Variants in DDC observed in about 807,000 individuals in gnomAD.
DDC encodes the protein dopa decarboxylase.
In DDC, 43 loss-of-function variants were observed where a neutral mutation model predicts 60.0. That is an observed-to-expected ratio of 0.72 (90% CI 0.56 to 0.92). The LOEUF is 0.92. DDC is among the 40% of genes least tolerant of loss of function. The probability of loss-of-function intolerance (pLI) is 0.00; values close to 1 mark genes in which losing one functional copy is unlikely to be tolerated. For missense variants in DDC, 573 were observed against 620.2 expected (o/e 0.92, Z 0.81); for synonymous variants, 232 against 234.6 (o/e 0.99, Z 0.10).
Position 50,506,885 on chromosome 7 carries a change from G to T in DDC, c.715-2826C>A, listed in dbSNP as rs544968325. 9.8e-5 allele frequency among the ~76,000 whole-genome samples: 15 copies of T among 152,320 alleles called. No individual in the cohort carries two copies. In the East Asian group the frequency reaches 2.9e-3, roughly 29 times the overall value. On this transcript the variant is annotated intron_variant, in intron 6 of 14. Transcript: ENST00000444124. ...TCTGGATGTCCCCTCCTCATGTCAAGCATCAATAATTCTCCGCATTTGTTT... is the reference window on the plus strand; with the variant it reads ...TCTGGATGTCCCCTCCTCATGTCAATCATCAATAATTCTCCGCATTTGTTT...
At chr7:50,563,598 TTTA>T (rs1298524629) in intron 1 of DDC, among the ~76,000 whole-genome samples, 4 of 152,172 alleles carry the variant, frequency 2.6e-5, no homozygotes, top group South Asian at 4.2e-4. Context: ...ATAATTTTAT[TTTA>T]TTATTATTAT....
At chr7:50,543,583 C>G (rs868379520) in intron 2 of DDC, 24 of 434,874 alleles carry the variant, frequency 5.5e-5, no homozygotes, top group Non-Finnish European at 7.3e-5. Context: ...AGGACACGCT[C>G]TATGTACCGA....
chr7:50,488,366 C>T (rs1253727679), intron 9 of DDC, among the ~76,000 whole-genome samples: 2 of 151,482 alleles, frequency 1.3e-5, no homozygotes, highest in Non-Finnish European at 2.9e-5. Context: ...ACTTAAAGGT[C>T]GTTTCTAAAA....
intron 7 of DDC, among the ~76,000 whole-genome samples, chr7:50,500,755 G>A (rs1307006705): frequency 1.3e-5 from 2 of 152,206 alleles, no homozygotes; most frequent in African/African-American, 2.4e-5. Flanking sequence ...ATCCAACTGA[G>A]GGCTTTCATC....
intron 1 of DDC, among the ~76,000 whole-genome samples, chr7:50,547,366 G>C (rs67275148): frequency 0.18 from 27,591 of 151,754 alleles, 2,857 homozygotes; most frequent in Admixed American, 0.3. Context: ...CATGGTGGCA[G>C]ACACCTGGCT....
chr7:50,512,045 T>C (rs1015287333), intron 6 of DDC, among the ~76,000 whole-genome samples: 3 of 151,716 alleles, frequency 2.0e-5, no homozygotes, highest in Non-Finnish European at 2.9e-5. Context: ...CAAAAGCCTA[T>C]TGAAATAAAA....
chr7:50,515,732 G>C (rs993015087), intron 6 of DDC, among the ~76,000 whole-genome samples: 1 of 152,114 alleles, frequency 6.6e-6, no homozygotes, highest in Non-Finnish European at 1.5e-5. Context: ...GGTGGAAAAA[G>C]GCATTTCATG....
At chr7:50,537,272 T>C (rs2153548284) in intron 4 of DDC, among the ~76,000 whole-genome samples, 1 of 152,254 alleles carries the variant, frequency 6.6e-6, no homozygotes, top group East Asian at 1.9e-4. Flanking sequence ...AGACAAATAG[T>C]ATTTATAGCC....
chr7:50,467,038 C>T lies in DDC; in HGVS notation c.1242+176G>A, dbSNP rs377345964. Among the ~76,000 whole-genome samples, 10 of 152,302 alleles carry T rather than the reference C, an allele frequency of 6.6e-5. No homozygotes were observed. The East Asian group carries it at 7.7e-4, about 12-fold the overall frequency. ...TGAGGAAGCGGGAACAGCCGCTGTG[C>T]GTGGAAACAAGGCTGTGTAGCATGG... On this transcript the variant is annotated intron_variant, in intron 13 of 14. Coordinates refer to ENST00000444124, the MANE Select transcript of DDC (RefSeq NM_001082971.2).
intron 1 of DDC, among the ~76,000 whole-genome samples, chr7:50,549,831 G>A (rs2044929691): frequency 2.6e-5 from 4 of 152,160 alleles, no homozygotes; most frequent in Admixed American, 2.6e-4. Context: ...TTTAAATGGA[G>A]CCTGAAGATA....
chr7:50,528,193 A>G lies in DDC; in HGVS notation c.658T>C (p.Ser220Pro). 1.9e-6 allele frequency: 3 copies of G among 1,614,042 alleles called. No homozygotes were observed. Among genetic ancestry groups the G allele is most frequent in the East Asian group, 2.2e-5 (1 of 44,876 alleles). Residue 220 changes from serine (S) to proline (P), a missense_variant, in exon 6 of 15, where the codon TCT becomes CCT. Physicochemically the swap from Ser to Pro is moderately conservative, Grantham distance 74. Transcript: ENST00000444124. ...PSDGNFAMRA[S>P]ALQEALERDK... Reference sequence around the variant, plus strand: ...CTCTCCAGGGCTTCCTGCAGGGCAGACGCACGCATGGCGAAGTTGCCATCT... The same window carrying G: ...CTCTCCAGGGCTTCCTGCAGGGCAGGCGCACGCATGGCGAAGTTGCCATCT...
intron 2 of DDC, 102 bp downstream of exon 2, chr7:50,543,783 C>T (rs903432679): frequency 2.6e-6 from 3 of 1,160,430 alleles, no homozygotes; most frequent in Admixed American, 1.7e-5. Context: ...AACCTGACTG[C>T]CATAGGGATT....
chr7:50,529,736 A>G (rs2044145237), intron 4 of DDC, among the ~76,000 whole-genome samples: 1 of 152,154 alleles, frequency 6.6e-6, no homozygotes, highest in African/African-American at 2.4e-5. Context: ...ATTCACTCGG[A>G]CAGAGCGATT....
At chr7:50,489,167 T>G (rs1380781360) in intron 9 of DDC, among the ~76,000 whole-genome samples, 2 of 152,064 alleles carry the variant, frequency 1.3e-5, no homozygotes, top group Non-Finnish European at 2.9e-5. Flanking sequence ...CCACCACACC[T>G]GGCTAATTTT....
Position 50,543,933 on chromosome 7 carries a change from G to T in DDC, c.153C>A (p.Asp51Glu). The T allele has an allele frequency of 6.2e-7, 1 of 1,614,180 alleles. No individual in the cohort carries two copies. The highest frequency in any genetic ancestry group is 8.5e-7 in the Non-Finnish European group (1 of 1,180,042). The change falls in exon 2 of 15, where the codon GAC (aspartate) becomes GAA (glutamate). Residue 51 changes from aspartate (D) to glutamate (E), a missense_variant. Asp to Glu is a conservative substitution (Grantham distance 45, BLOSUM62 2). Transcript: ENST00000444124. ...LIPAAAPQEP[D>E]TFEDIINDVE... ...CGTCGTTGATGATGTCCTCAAACGTGTCTGGCTCCTGAGGGGCAGCGGCAG... is the reference window on the plus strand; with the variant it reads ...CGTCGTTGATGATGTCCTCAAACGTTTCTGGCTCCTGAGGGGCAGCGGCAG...
intron 9 of DDC, among the ~76,000 whole-genome samples, chr7:50,482,758 A>G (rs1478173180): frequency 6.6e-6 from 1 of 152,230 alleles, no homozygotes; most frequent in Non-Finnish European, 1.5e-5. Context: ...AGGTTTGGAT[A>G]TGTTTGTTCA....
At chr7:50,477,489 CAGGCCCTGACCA>C in intron 10 of DDC, 1 of 455,868 alleles carries the variant, frequency 2.2e-6, no homozygotes, top group South Asian at 1.6e-5. Context: ...AGGGCCATAG[CAGGCCCTGACCA>C]TGCTCAGCTG....
intron 1 of DDC, among the ~76,000 whole-genome samples, chr7:50,564,822 G>A (rs1283383789): frequency 6.6e-6 from 1 of 152,120 alleles, no homozygotes; most frequent in African/African-American, 2.4e-5. Context: ...CCCTGACGGA[G>A]CCTCAGATGT....
chr7:50,464,837 C>G (rs536905878), intron 13 of DDC, among the ~76,000 whole-genome samples: 2 of 152,226 alleles, frequency 1.3e-5, no homozygotes, highest in East Asian at 3.9e-4. Flanking sequence ...CATGAGAGGA[C>G]CTGAAATTCA....
Sources: gnomAD v4.1 joint callset for allele counts (sites outside exome capture counted in the v4.1 genomes callset) on GRCh38, gnomAD v4.1.1 for gene constraint, MANE v1.5 for transcripts, NCBI Gene and HGNC (gene_info 2026-07-23, HGNC 2026-07-21) for gene names.